Variants in EXOC6B observed in about 807,000 individuals in gnomAD.
EXOC6B encodes SEC15 homolog B.
In EXOC6B, 54 loss-of-function variants were observed where a neutral mutation model predicts 113.5. The observed-to-expected ratio is 0.48, with a 90% CI of 0.38 to 0.60. EXOC6B has a LOEUF of 0.60. Among genes scored for constraint, EXOC6B ranks in the 20% least tolerant of loss-of-function variants. EXOC6B has a pLI of 0.00. For synonymous variants in EXOC6B, 357 were observed against 339.0 expected (o/e 1.05, Z -0.58); for missense variants, 797 against 977.5 (o/e 0.82, Z 2.46).
chr2:72,756,479 C>T (rs909438862), intron 1 of EXOC6B, among the ~76,000 whole-genome samples: 19 of 152,106 alleles, frequency 1.2e-4, no homozygotes, highest in Admixed American at 9.8e-4. Context: ...ATAGTACCAA[C>T]TCATATGAAA....
chr2:72,178,307 A>G lies in EXOC6B; in HGVS notation c.*1028T>C, dbSNP rs527259968. 2.6e-5 allele frequency: 4 copies of G among 152,260 alleles called. No individual in the cohort carries two copies. The highest frequency in any genetic ancestry group is 5.9e-5 in the Non-Finnish European group (4 of 68,054). 9.4% of individuals were successfully genotyped at this position (152,260 alleles called of 1,614,324 possible). On this transcript the variant is annotated 3_prime_UTR_variant, in exon 22 of 22. Transcript: ENST00000272427. ...AGCTGGTGACATTTCCTTAAAGATG[A>G]TAACCAAAAAGCTGGTTTTAAAACA...
At chr2:72,656,238 G>A (rs1015281392) in intron 6 of EXOC6B, among the ~76,000 whole-genome samples, 4 of 152,038 alleles carry the variant, frequency 2.6e-5, no homozygotes, top group East Asian at 3.8e-4. Flanking sequence ...ACGAACAGCC[G>A]AAGTAAATAA....
intron 18 of EXOC6B, among the ~76,000 whole-genome samples, chr2:72,460,361 T>C (rs1373447510): frequency 6.6e-6 from 1 of 151,886 alleles, no homozygotes; most frequent in Non-Finnish European, 1.5e-5. Flanking sequence ...ACAAATGGGA[T>C]CTCATTAAAC....
chr2:72,395,085 A>G (rs1692638364), intron 18 of EXOC6B, among the ~76,000 whole-genome samples: 1 of 152,216 alleles, frequency 6.6e-6, no homozygotes, highest in Non-Finnish European at 1.5e-5. Flanking sequence ...GGAAAAATAA[A>G]AAAGAAACTT....
chr2:72,250,212 G>A (rs1319152261), intron 20 of EXOC6B, among the ~76,000 whole-genome samples: 1 of 152,126 alleles, frequency 6.6e-6, no homozygotes, highest in African/African-American at 2.4e-5. Flanking sequence ...CCAAATTCTT[G>A]TATAAGCACG....
chr2:72,317,247 G>GA (rs1289149542), intron 20 of EXOC6B, among the ~76,000 whole-genome samples: 1 of 151,486 alleles, frequency 6.6e-6, no homozygotes, highest in Non-Finnish European at 1.5e-5. Flanking sequence ...AGAGAAGTAA[G>GA]AAAAAATAGA....
chr2:72,659,029 A>G (rs1674814529), intron 6 of EXOC6B, among the ~76,000 whole-genome samples: 1 of 152,060 alleles, frequency 6.6e-6, no homozygotes, highest in African/African-American at 2.4e-5. Flanking sequence ...TTTCATTACC[A>G]TATTACTGTT....
intron 7 of EXOC6B, among the ~76,000 whole-genome samples, chr2:72,573,451 CATCTTA>C (rs1353435568): frequency 2.6e-5 from 4 of 152,162 alleles, no homozygotes; most frequent in Non-Finnish European, 4.4e-5. Flanking sequence ...GGTGGATCCA[CATCTTA>C]ATAAGCCAGT....
intron 18 of EXOC6B, among the ~76,000 whole-genome samples, chr2:72,450,935 C>A (rs1696873566): frequency 6.6e-6 from 1 of 152,034 alleles, no homozygotes; most frequent in Non-Finnish European, 1.5e-5. Flanking sequence ...AAAAGATAAA[C>A]AAAAAACACT....
At chr2:72,237,197 G>C (rs554098502) in intron 20 of EXOC6B, among the ~76,000 whole-genome samples, 1 of 152,252 alleles carries the variant, frequency 6.6e-6, no homozygotes, top group African/African-American at 2.4e-5. Context: ...GAGGCTGTGG[G>C]AATACAAAAC....
intron 20 of EXOC6B, among the ~76,000 whole-genome samples, chr2:72,253,127 G>A (rs1573096102): frequency 6.6e-6 from 1 of 152,136 alleles, no homozygotes; most frequent in Non-Finnish European, 1.5e-5. Context: ...TTTGAGGAAT[G>A]CAAATCAAAA....
At chr2:72,645,599 C>T (rs961686626) in intron 6 of EXOC6B, among the ~76,000 whole-genome samples, 1 of 152,198 alleles carries the variant, frequency 6.6e-6, no homozygotes, top group African/African-American at 2.4e-5. Flanking sequence ...GTCTTTCAGA[C>T]CACAGCGCAA....
At chr2:72,611,805 T>C (rs1229138586) in intron 6 of EXOC6B, among the ~76,000 whole-genome samples, 2 of 152,100 alleles carry the variant, frequency 1.3e-5, no homozygotes. Context: ...TCTGAAGCTG[T>C]CAGAAATAAA....
At chr2:72,231,921 C>T (rs1317491312) in intron 20 of EXOC6B, among the ~76,000 whole-genome samples, 1 of 152,086 alleles carries the variant, frequency 6.6e-6, no homozygotes, top group Non-Finnish European at 1.5e-5. Flanking sequence ...TATCCCACTA[C>T]TGAGTATATA....
chr2:72,473,847 CAGTG>C (rs1034363369), intron 17 of EXOC6B, among the ~76,000 whole-genome samples: 3 of 151,952 alleles, frequency 2.0e-5, no homozygotes, highest in African/African-American at 7.2e-5. Context: ...TTTGCTTTAC[CAGTG>C]AGTTTTATAC....
Position 72,490,500 on chromosome 2 carries a change from G to A in EXOC6B, c.1665+1818C>T, listed in dbSNP as rs530277942. On this transcript the variant is annotated intron_variant, in intron 16 of 21. Transcript: ENST00000272427. Reference sequence around the variant, plus strand: ...ATGTGTCTTCTCTTTCCAAAGGTAGGTAGTATAATTATTCAAAGTGTATCT... The same window carrying A: ...ATGTGTCTTCTCTTTCCAAAGGTAGATAGTATAATTATTCAAAGTGTATCT... Among the ~76,000 whole-genome samples the A allele has an allele frequency of 7.9e-5, 12 of 152,080 alleles. No individual in the cohort carries two copies. The South Asian group carries it at 2.5e-3, about 32-fold the overall frequency.
At chr2:72,221,836 A>C (rs1022515552) in intron 20 of EXOC6B, among the ~76,000 whole-genome samples, 3 of 152,182 alleles carry the variant, frequency 2.0e-5, no homozygotes, top group African/African-American at 7.2e-5. Context: ...AAGATATTTA[A>C]AATCATGTTC....
At chr2:72,366,815 C>A (rs1040708796) in intron 19 of EXOC6B, among the ~76,000 whole-genome samples, 11 of 151,262 alleles carry the variant, frequency 7.3e-5, no homozygotes, top group Admixed American at 5.3e-4. Context: ...CCCTATTAAC[C>A]TAGAATTCAT....
chr2:72,532,794 C>G (rs1018823388), intron 8 of EXOC6B, among the ~76,000 whole-genome samples: 4 of 151,486 alleles, frequency 2.6e-5, no homozygotes, highest in Admixed American at 2.6e-4. Flanking sequence ...GGTGACAGAG[C>G]GAGACTCCAT....
Sources: allele counts gnomAD v4.1 joint callset (sites outside exome capture counted in the v4.1 genomes callset), GRCh38; gene constraint gnomAD v4.1.1; transcripts MANE v1.5; gene names NCBI Gene and HGNC (gene_info 2026-07-23, HGNC 2026-07-21).